The following MTOR variants were observed in gnomAD, a reference collection of about 807,000 sequenced individuals.
The protein encoded by MTOR is serine/threonine-protein kinase mTOR.
Under a neutral mutation model 319.8 loss-of-function variants are expected in MTOR, and 70 were observed. The ratio of observed to expected loss-of-function variants is 0.22; its 90% CI spans 0.18 to 0.27. The LOEUF (loss-of-function observed/expected upper bound fraction) is 0.27. Ranked by LOEUF, MTOR falls within the 10% of genes least tolerant of loss-of-function variation. The pLI, the probability that MTOR is intolerant of heterozygous loss-of-function variation, is 1.00. For missense variants in MTOR, 1,890 were observed against 3,274.4 expected, an observed-to-expected ratio of 0.58 and a Z score of 10.32; for synonymous variants, 1,183 against 1,211.4, an observed-to-expected ratio of 0.98 and a Z score of 0.49.
intron 19 of MTOR, among the ~76,000 whole-genome samples, chr1:11,223,938 G>A (rs1646748376): frequency 6.6e-6 from 1 of 151,774 alleles, no homozygotes; most frequent in African/African-American, 2.4e-5. Context: ...ACCTGGGAGG[G>A]TGAGGCAGGA....
At chr1:11,240,649 G>T in intron 10 of MTOR, 102 bp from the exon 11 acceptor site, 1 of 1,389,924 alleles carries the variant, frequency 7.2e-7, no homozygotes, top group African/African-American at 1.4e-5. Flanking sequence ...TCAGGCCTCT[G>T]TTCTTCAGAG....
chr1:11,194,043 C>A (rs1204100061), intron 28 of MTOR, among the ~76,000 whole-genome samples: 2 of 152,176 alleles, frequency 1.3e-5, no homozygotes, highest in African/African-American at 4.8e-5. Flanking sequence ...GTCAGCTGTG[C>A]CGAACACTAG....
intron 4 of MTOR, 51 bp downstream of exon 4, chr1:11,256,882 T>G: frequency 3.9e-6 from 6 of 1,554,478 alleles, no homozygotes; most frequent in Non-Finnish European, 5.3e-6. Context: ...GACCCCCCCA[T>G]GACACCATCG....
chr1:11,141,827 A>C (rs904297228), intron 34 of MTOR, among the ~76,000 whole-genome samples: 2 of 150,350 alleles, frequency 1.3e-5, no homozygotes, highest in East Asian at 4.0e-4. Context: ...TCTACTAAAA[A>C]ATAAAAAAAA....
intron 15 of MTOR, chr1:11,232,947 G>A (rs775483312): frequency 1.3e-5 from 10 of 759,608 alleles, no homozygotes; most frequent in Middle Eastern, 3.5e-4. Context: ...GTGTGTGCCT[G>A]ACTCTGATTC....
At chr1:11,165,403 A>C (rs1644611427) in intron 29 of MTOR, among the ~76,000 whole-genome samples, 1 of 152,234 alleles carries the variant, frequency 6.6e-6, no homozygotes, top group African/African-American at 2.4e-5. Flanking sequence ...AAGTCTCAGA[A>C]TACAAAATCA....
chr1:11,127,817 G>A lies in MTOR; in HGVS notation c.6034-11C>T, dbSNP rs1469203899. The A allele has an allele frequency of 6.2e-7, 1 of 1,607,842 alleles. No individual in the cohort carries two copies. Among genetic ancestry groups the A allele is most frequent in the Non-Finnish European group, 8.5e-7 (1 of 1,176,816 alleles). ...CAGCTCCTCGCTCACCTGAAGCCAA[G>A]AGAAGAAGGAGAGAAGCATCAAGAA... On this transcript the variant is annotated splice_polypyrimidine_tract_variant and intron_variant, in intron 43 of 57. Transcript: ENST00000361445. This position sits in a 1 kb window ranked among gnomAD's most constrained non-coding sequence, Gnocchi z 5.5.
At chr1:11,193,565 T>A (rs758617886) in intron 28 of MTOR, 2 of 1,565,624 alleles carry the variant, frequency 1.3e-6, no homozygotes, top group South Asian at 1.2e-5. Flanking sequence ...CACCAGAGTA[T>A]CCCCTCTGCT....
At chr1:11,189,937 G>A (rs1305859433) in intron 28 of MTOR, 1 of 1,611,812 alleles carries the variant, frequency 6.2e-7, no homozygotes, top group South Asian at 1.1e-5. Flanking sequence ...AGCACAGACG[G>A]TCACTCAGAC....
chr1:11,255,142 T>C (rs2100971088), intron 5 of MTOR, among the ~76,000 whole-genome samples: 1 of 152,154 alleles, frequency 6.6e-6, no homozygotes, highest in East Asian at 1.9e-4. Context: ...CCCAGCACTT[T>C]GGGAGGTCAA....
At chr1:11,193,419 C>G (rs1342243596) in intron 28 of MTOR, among the ~76,000 whole-genome samples, 1 of 152,206 alleles carries the variant, frequency 6.6e-6, no homozygotes, top group Non-Finnish European at 1.5e-5. Flanking sequence ...CCCCAGCTCA[C>G]CAGCAGTGGG....
At chr1:11,112,954 A>G in intron 53 of MTOR, 37 bp from the exon 54 acceptor site, 2 of 1,593,280 alleles carry the variant, frequency 1.3e-6, no homozygotes, top group Non-Finnish European at 1.7e-6. Flanking sequence ...AACATGCTTC[A>G]AATTTTGACT....
chr1:11,246,641 A>T (rs1165045328), intron 8 of MTOR, among the ~76,000 whole-genome samples: 2 of 152,184 alleles, frequency 1.3e-5, no homozygotes, highest in African/African-American at 4.8e-5. Context: ...GTGCTAGGGA[A>T]TAGGGTCTGC....
chr1:11,135,843 A>G (rs956515949), intron 36 of MTOR, among the ~76,000 whole-genome samples: 7 of 151,118 alleles, frequency 4.6e-5, no homozygotes, highest in Non-Finnish European at 1.0e-4. Context: ...AAAAAAAAGA[A>G]AAGAAAAAAG....
Position 11,248,018 on chromosome 1 carries a change from A to G in MTOR, c.917T>C (p.Phe306Ser). Residue 306 changes from phenylalanine to serine, a missense_variant, in exon 7 of 58, where the codon TTC (phenylalanine) becomes TCC (serine). This residue lies in a region of MTOR where 418 missense variants were observed against 543.1 expected (regional missense o/e 0.77). Transcript: ENST00000361445. Reference protein sequence around the residue: ...HDKYCKDLMGFGTKPRHITPF... With the variant: ...HDKYCKDLMGSGTKPRHITPF... ...GGTAATGTGACGAGGTTTTGTTCCG[A>G]AGCCCATGAGATCTTTGCAGTACTT... is the stretch of plus-strand genomic sequence containing the variant. 1 of 1,614,160 alleles carries G rather than the reference A, an allele frequency of 6.2e-7. No individual in the cohort carries two copies. The highest frequency in any genetic ancestry group is 1.1e-5 in the South Asian group (1 of 91,084).
chr1:11,175,781 G>A (rs1644966770), intron 28 of MTOR, among the ~76,000 whole-genome samples: 1 of 144,346 alleles, frequency 6.9e-6, no homozygotes, highest in Admixed American at 7.0e-5. Flanking sequence ...GTCTCACTCT[G>A]TCACCCAGAC....
intron 25 of MTOR, 113 bp from the exon 26 acceptor site, chr1:11,204,816 C>A (rs1476996073): frequency 1.6e-6 from 2 of 1,228,404 alleles, no homozygotes; most frequent in African/African-American, 1.5e-5. Context: ...CCATCTTTCA[C>A]GATAAAATTC....
In MTOR at chr1:11,189,646, C is replaced by G. The variant is rs765204461; in HGVS notation, c.4253+9612G>C. On this transcript the variant is annotated intron_variant, in intron 28 of 57. Transcript: ENST00000361445. ...TTTCATCGTGGCCTTTGTCAGCCAC[C>G]CAGCGTGGCTGCAGAAGCTCTCTAA... is the stretch of plus-strand genomic sequence containing the variant. 2.4e-5 allele frequency: 39 copies of G among 1,613,994 alleles called. No individual in the cohort carries two copies. Among genetic ancestry groups the G allele is most frequent in the Non-Finnish European group, 3.3e-5 (39 of 1,180,008 alleles).
At chr1:11,242,851 T>G (rs1355534082) in intron 9 of MTOR, among the ~76,000 whole-genome samples, 1 of 152,166 alleles carries the variant, frequency 6.6e-6, no homozygotes, top group East Asian at 1.9e-4. Flanking sequence ...AACTAGCAGA[T>G]TCCCAGTAAA....
Sources: gnomAD v4.1 joint callset for allele counts (sites outside exome capture counted in the v4.1 genomes callset) on GRCh38, gnomAD v4.1.1 for gene constraint, gnomAD v4.1.1 regional missense constraint, Gnocchi (gnomAD v3.1) non-coding constraint, MANE v1.5 for transcripts, NCBI Gene and HGNC (gene_info 2026-07-23, HGNC 2026-07-21) for gene names.